ACTR3B: variants seen among roughly 807,000 people sequenced by gnomAD.
ACTR3B encodes the protein actin related protein 3B, also known as actin-related protein 3B.
In ACTR3B, 8 loss-of-function variants were observed where a neutral mutation model predicts 59.0. The observed-to-expected ratio is 0.14, with a 90% CI of 0.08 to 0.24. The LOEUF is 0.24. ACTR3B is among the 10% of genes least tolerant of loss of function. ACTR3B has a pLI of 1.00. For missense variants in ACTR3B, 245 were observed against 552.3 expected, an observed-to-expected ratio of 0.44 and a Z score of 5.58; for synonymous variants, 148 against 197.9, an observed-to-expected ratio of 0.75 and a Z score of 2.12.
chr7:152,848,504 C>T (rs139007863), intron 9 of ACTR3B, among the ~76,000 whole-genome samples: 54 of 152,324 alleles, frequency 3.5e-4, no homozygotes, highest in Non-Finnish European at 6.3e-4. Context: ...TCAGCAAAAG[C>T]GCCCTTAGAA....
rs191827253 is a variant in ACTR3B, at chr7:152,781,178, A to G, written c.45-2009A>G. On this transcript the variant is annotated intron_variant, in intron 1 of 11. Coordinates refer to ENST00000256001, the MANE Select transcript of ACTR3B (RefSeq NM_020445.6). ...TTTTAATAAATGTTAACGCTTTACCATATTCGTTTCAGTGGTTTTTTTTTT... is the reference window on the plus strand; with the variant it reads ...TTTTAATAAATGTTAACGCTTTACCGTATTCGTTTCAGTGGTTTTTTTTTT... Among the ~76,000 whole-genome samples, 409 of 143,178 alleles carry G rather than the reference A, an allele frequency of 2.9e-3. 2 individuals carry two copies. Among genetic ancestry groups the G allele is most frequent in the Non-Finnish European group, 5.1e-3 (336 of 66,202 alleles). 93.9% of individuals were successfully genotyped at this position (143,178 alleles called of 152,430 possible).
chr7:152,807,526 A>G lies in ACTR3B; in HGVS notation c.336+5795A>G, dbSNP rs190364676. On this transcript the variant is annotated intron_variant, in intron 4 of 11. Transcript: ENST00000256001. Reference sequence around the variant, plus strand: ...TGTATTTCGAGTCTTTTTTACTTAAAAAGAACTAGCAGTGTTTGATTATGG... The same window carrying G: ...TGTATTTCGAGTCTTTTTTACTTAAGAAGAACTAGCAGTGTTTGATTATGG... Among the ~76,000 whole-genome samples, 68 of 152,228 alleles carry G rather than the reference A, an allele frequency of 4.5e-4. 1 individual carries two copies. Among genetic ancestry groups the G allele is most frequent in the African/African-American group, 1.5e-3 (64 of 41,536 alleles).
chr7:152,782,272 A>G (rs1246149294), intron 1 of ACTR3B, among the ~76,000 whole-genome samples: 3 of 148,806 alleles, frequency 2.0e-5, no homozygotes, highest in Non-Finnish European at 4.5e-5. Flanking sequence ...GCATTATTAC[A>G]GAATGACGGC....
chr7:152,771,731 T>G (rs2689507), intron 1 of ACTR3B, among the ~76,000 whole-genome samples: 54 of 152,106 alleles, frequency 3.6e-4, no homozygotes, highest in African/African-American at 1.0e-3. Flanking sequence ...CTGTGAACTG[T>G]AAAAAATTCA....
intron 1 of ACTR3B, among the ~76,000 whole-genome samples, chr7:152,774,927 CTG>C (rs1345982519): frequency 6.6e-6 from 1 of 151,990 alleles, no homozygotes; most frequent in Non-Finnish European, 1.5e-5. Flanking sequence ...CATATTTAAA[CTG>C]TGAAAAATCT....
chr7:152,824,240 A>G lies in ACTR3B; in HGVS notation c.858+725A>G, dbSNP rs1301044239. ...ACTATTTTGTACAGAGAAACAGCAT[A>G]GAATGTGTTCCTCGCTAGTAATCTG... On this transcript the variant is annotated intron_variant, in intron 8 of 11. Coordinates refer to ENST00000256001, the MANE Select transcript of ACTR3B (RefSeq NM_020445.6). This position sits in a 1 kb window ranked among gnomAD's most constrained non-coding sequence, Gnocchi z 4.2. Among the ~76,000 whole-genome samples, 3 of 152,244 alleles carry G rather than the reference A, an allele frequency of 2.0e-5. No individual in the cohort carries two copies. Among genetic ancestry groups the G allele is most frequent in the Non-Finnish European group, 4.4e-5 (3 of 68,050 alleles).
chr7:152,849,904 TGGTGGCTTCTCCA>T (rs1390738360), intron 9 of ACTR3B, among the ~76,000 whole-genome samples: 6 of 152,358 alleles, frequency 3.9e-5, no homozygotes, highest in African/African-American at 1.4e-4. Context: ...GCCAGATCCC[TGGTGGCTTCTCCA>T]GGTGGAAGAC....
chr7:152,799,314 C>A (rs112865526), intron 2 of ACTR3B, among the ~76,000 whole-genome samples: 1,797 of 152,238 alleles, frequency 0.012, 29 homozygotes, highest in East Asian at 0.033. Context: ...TCTCTAATGT[C>A]TGTTCTGATA....
intron 1 of ACTR3B, among the ~76,000 whole-genome samples, chr7:152,779,199 C>G (rs1418652191): frequency 6.6e-6 from 1 of 151,906 alleles, no homozygotes; most frequent in Non-Finnish European, 1.5e-5. Context: ...TGCGGGTGAG[C>G]GAGGGGTGTT....
intron 9 of ACTR3B, among the ~76,000 whole-genome samples, chr7:152,833,277 C>A (rs1797172766): frequency 1.3e-5 from 2 of 152,214 alleles, no homozygotes; most frequent in Non-Finnish European, 2.9e-5. Flanking sequence ...GAGGGCTGGA[C>A]CTGGAGATTG....
At chr7:152,781,789 C>T (rs1026617246) in intron 1 of ACTR3B, among the ~76,000 whole-genome samples, 1 of 152,230 alleles carries the variant, frequency 6.6e-6, no homozygotes, top group African/African-American at 2.4e-5. Flanking sequence ...TCTTGGTTGG[C>T]TCTGAATTCT....
chr7:152,777,423 G>A (rs1436002106), intron 1 of ACTR3B, among the ~76,000 whole-genome samples: 1 of 152,172 alleles, frequency 6.6e-6, no homozygotes, highest in Non-Finnish European at 1.5e-5. Flanking sequence ...TTATTTTTAA[G>A]GGTAGGAGTA....
chr7:152,834,392 G>C (rs998715410), intron 9 of ACTR3B, among the ~76,000 whole-genome samples: 1 of 152,212 alleles, frequency 6.6e-6, no homozygotes, highest in Non-Finnish European at 1.5e-5. Flanking sequence ...GACCTCAGGT[G>C]ATCTGCCTGC....
chr7:152,768,282 T>G (rs1215043936), intron 1 of ACTR3B, among the ~76,000 whole-genome samples: 1 of 152,208 alleles, frequency 6.6e-6, no homozygotes, highest in Non-Finnish European at 1.5e-5. Flanking sequence ...TTCCTTTCCA[T>G]TTTTAGGGAC....
intron 5 of ACTR3B, 34 bp from the exon 6 acceptor site, chr7:152,816,447 C>G (rs1436995919): frequency 1.3e-6 from 2 of 1,523,314 alleles, no homozygotes; most frequent in Non-Finnish European, 8.8e-7. Flanking sequence ...GAAAGAGTTC[C>G]TATGTGCGAG....
intron 10 of ACTR3B, among the ~76,000 whole-genome samples, chr7:152,852,853 G>A (rs950287417): frequency 2.0e-5 from 3 of 151,006 alleles, no homozygotes; most frequent in African/African-American, 4.9e-5. Context: ...GTGCAGTGGT[G>A]AGATCTCGGC....
intron 9 of ACTR3B, among the ~76,000 whole-genome samples, chr7:152,843,685 C>T (rs1032175866): frequency 9.9e-5 from 15 of 152,200 alleles, no homozygotes; most frequent in African/African-American, 3.6e-4. Flanking sequence ...CACAGTCTTA[C>T]CCTGCACTGG....
intron 6 of ACTR3B, among the ~76,000 whole-genome samples, chr7:152,818,457 T>C (rs528269005): frequency 0.01 from 294 of 28,528 alleles, no homozygotes; most frequent in Non-Finnish European, 0.027. Context: ...GCTCTTTTTC[T>C]TTTTTTTTTG....
intron 1 of ACTR3B, among the ~76,000 whole-genome samples, chr7:152,764,355 C>T (rs1590184433): frequency 1.3e-5 from 2 of 152,002 alleles, no homozygotes; most frequent in Non-Finnish European, 2.9e-5. Context: ...TCTGGCCAGG[C>T]GCAGTGGCTC....
Sources: allele counts gnomAD v4.1 joint callset (sites outside exome capture counted in the v4.1 genomes callset), GRCh38; gene constraint gnomAD v4.1.1; non-coding constraint Gnocchi (gnomAD v3.1); transcripts MANE v1.5; gene names NCBI Gene and HGNC (gene_info 2026-07-23, HGNC 2026-07-21).